NCALD: variants seen among roughly 807,000 people sequenced by gnomAD.
The protein encoded by NCALD is neurocalcin-delta.
In NCALD, 10 loss-of-function variants were observed where a neutral mutation model predicts 18.6. The observed-to-expected ratio is 0.54, with a 90% CI of 0.33 to 0.91. NCALD has a LOEUF of 0.91. Among genes scored for constraint, NCALD ranks in the 40% least tolerant of loss-of-function variants. NCALD has a pLI of 0.03. For missense variants in NCALD, 184 were observed against 247.6 expected, an observed-to-expected ratio of 0.74 and a Z score of 1.72; for synonymous variants, 88 against 87.4, an observed-to-expected ratio of 1.01 and a Z score of -0.04.
chr8:102,104,479 T>A (rs1348299088), intron 1 of NCALD, among the ~76,000 whole-genome samples: 1 of 152,046 alleles, frequency 6.6e-6, no homozygotes, highest in Non-Finnish European at 1.5e-5. Context: ...TGACTTAATA[T>A]CATCATCTTT....
rs1033215505 is a variant in NCALD at position 101,764,296 on chromosome 8, A to G, written c.-20+26566T>C. Among the ~76,000 whole-genome samples the G allele has an allele frequency of 1.4e-4, 21 of 152,166 alleles. 1 individual carries two copies. Among genetic ancestry groups the G allele is most frequent in the Non-Finnish European group, 1.9e-4 (13 of 68,022 alleles). On this transcript the variant is annotated intron_variant, in intron 1 of 3. Coordinates refer to ENST00000220931, the MANE Select transcript of NCALD (RefSeq NM_032041.3). ...AGAGACTTTGGCTGCAGACATTGAG[A>G]AGGAGCAGCTGTCGAGATAGGAGGA...
chr8:101,839,876 C>T (rs903644351), intron 4 of NCALD, among the ~76,000 whole-genome samples: 2 of 151,884 alleles, frequency 1.3e-5, no homozygotes, highest in Admixed American at 1.3e-4. Flanking sequence ...TCTCGGAGGG[C>T]AAGGATCTCA....
At chr8:101,839,432 G>A (rs531455118) in intron 4 of NCALD, among the ~76,000 whole-genome samples, 2 of 152,238 alleles carry the variant, frequency 1.3e-5, no homozygotes, top group East Asian at 3.9e-4. Context: ...TAAGAGGTTT[G>A]GCTTTCAGTG....
chr8:102,001,778 G>C (rs563338283), intron 2 of NCALD, among the ~76,000 whole-genome samples: 5 of 152,284 alleles, frequency 3.3e-5, no homozygotes, highest in Non-Finnish European at 5.9e-5. Context: ...GCCAAACTAA[G>C]CTTCATAAGT....
chr8:101,698,123 A>C (rs1005410172), intron 2 of NCALD, among the ~76,000 whole-genome samples: 3 of 152,206 alleles, frequency 2.0e-5, no homozygotes, highest in Non-Finnish European at 2.9e-5. Flanking sequence ...AATCACAAGC[A>C]TTTCTATACA....
intron 3 of NCALD, among the ~76,000 whole-genome samples, chr8:101,897,162 T>C (rs1817217086): frequency 1.0e-5 from 1 of 98,970 alleles, no homozygotes; most frequent in Non-Finnish European, 1.9e-5. Flanking sequence ...GTGGCACATA[T>C]ACACCATGGA....
intron 1 of NCALD, among the ~76,000 whole-genome samples, chr8:102,040,886 C>T (rs1823028217): frequency 6.6e-6 from 1 of 152,132 alleles, no homozygotes; most frequent in Non-Finnish European, 1.5e-5. Context: ...GCTCCCTATG[C>T]CAGGGTTGCT....
At chr8:102,020,902 C>T (rs866442587) in intron 1 of NCALD, among the ~76,000 whole-genome samples, 11 of 152,112 alleles carry the variant, frequency 7.2e-5, no homozygotes, top group African/African-American at 1.4e-4. Flanking sequence ...CAGCTCCCAG[C>T]GTTCATACAC....
intron 4 of NCALD, among the ~76,000 whole-genome samples, chr8:101,861,128 T>A (rs745326440): frequency 6.6e-6 from 1 of 152,172 alleles, no homozygotes; most frequent in Non-Finnish European, 1.5e-5. Flanking sequence ...TCAGTGCGTC[T>A]GTTTAGACTT....
chr8:101,961,305 C>G (rs778624285), intron 2 of NCALD, among the ~76,000 whole-genome samples: 1 of 152,128 alleles, frequency 6.6e-6, no homozygotes, highest in Non-Finnish European at 1.5e-5. Flanking sequence ...TGAATTCTAG[C>G]CTTGGCTCTG....
At chr8:101,735,269 T>C (rs12548828) in intron 1 of NCALD, among the ~76,000 whole-genome samples, 39,555 of 152,066 alleles carry the variant, frequency 0.26, 5,473 homozygotes, top group Admixed American at 0.38. Context: ...TGGAAAGTTA[T>C]AAGCAACCAG....
At chr8:101,998,440 CT>C (rs1234752617) in intron 2 of NCALD, among the ~76,000 whole-genome samples, 1 of 152,142 alleles carries the variant, frequency 6.6e-6, no homozygotes, top group African/African-American at 2.4e-5. Context: ...GCCATGACCC[CT>C]GGCTTCTGTT....
At chr8:101,797,448 G>C (rs1812679858) in intron 4 of NCALD, among the ~76,000 whole-genome samples, 1 of 152,114 alleles carries the variant, frequency 6.6e-6, no homozygotes, top group African/African-American at 2.4e-5. Flanking sequence ...AGAAGATAAT[G>C]AAATAATAAA....
chr8:101,716,110 C>T (rs1816065200), intron 2 of NCALD, among the ~76,000 whole-genome samples: 1 of 152,176 alleles, frequency 6.6e-6, no homozygotes, highest in African/African-American at 2.4e-5. Flanking sequence ...AAATGTAGCA[C>T]ATATACACCA....
At chr8:101,717,182 GT>G (rs1372406833) in intron 2 of NCALD, among the ~76,000 whole-genome samples, 1 of 152,128 alleles carries the variant, frequency 6.6e-6, no homozygotes, top group East Asian at 1.9e-4. Context: ...AAATTTTAGA[GT>G]TTTTTCCTAC....
intron 1 of NCALD, among the ~76,000 whole-genome samples, chr8:101,778,552 T>A (rs1465134817): frequency 1.3e-5 from 2 of 151,976 alleles, no homozygotes; most frequent in Non-Finnish European, 2.9e-5. Context: ...AAAAAATGAT[T>A]TTACAAAGAT....
At chr8:101,986,947 C>T (rs1820835545) in intron 2 of NCALD, among the ~76,000 whole-genome samples, 2 of 152,110 alleles carry the variant, frequency 1.3e-5, no homozygotes, top group Non-Finnish European at 2.9e-5. Flanking sequence ...CTGCTGATGC[C>T]CTGCTAGATA....
At chr8:101,730,927 T>G (rs144420302) in intron 1 of NCALD, among the ~76,000 whole-genome samples, 1,783 of 152,188 alleles carry the variant, frequency 0.012, 34 homozygotes, top group African/African-American at 0.04. Flanking sequence ...ACAAAATAAA[T>G]AATTGAAATG....
intron 1 of NCALD, among the ~76,000 whole-genome samples, chr8:102,072,077 TA>T (rs34403046): frequency 0.17 from 25,909 of 152,148 alleles, 2,560 homozygotes; most frequent in African/African-American, 0.27. Context: ...CAAGACCTAC[TA>T]TAAAACTATA....
Sources: gnomAD v4.1 joint callset for allele counts (sites outside exome capture counted in the v4.1 genomes callset) on GRCh38, gnomAD v4.1.1 for gene constraint, MANE v1.5 for transcripts, NCBI Gene and HGNC (gene_info 2026-07-23, HGNC 2026-07-21) for gene names.